Variants in CDC5L observed in about 807,000 individuals in gnomAD.
CDC5L encodes cell division cycle 5 like.
CDC5L carries 18 observed loss-of-function variants against 104.1 expected under a neutral mutation model. That is an observed-to-expected ratio of 0.17 (90% CI 0.12 to 0.26). The LOEUF is 0.26. Ranked by LOEUF, CDC5L falls within the 10% of genes least tolerant of loss-of-function variation. CDC5L has a pLI of 1.00. For synonymous variants in CDC5L, 331 were observed against 322.7 expected (o/e 1.03, Z -0.28); for missense variants, 673 against 956.9 (o/e 0.70, Z 3.91).
At chr6:44,432,181 A>G (rs1411571112) in intron 14 of CDC5L, among the ~76,000 whole-genome samples, 1 of 152,244 alleles carries the variant, frequency 6.6e-6, no homozygotes, top group Non-Finnish European at 1.5e-5. Flanking sequence ...GTTTTTGAAG[A>G]CACAGTTCTA....
rs2153373158 is a variant in CDC5L at position 44,390,387 on chromosome 6, A to G, written c.149+16A>G. ...AAGCCAGATGGTATGTATCAGTTTA[A>G]TAAGTGGAAAACAGAAAAGGAGCTT... On this transcript the variant is annotated intron_variant, in intron 2 of 15. Transcript: ENST00000371477. 1 of 1,494,060 alleles carries G rather than the reference A, an allele frequency of 6.7e-7. No individual in the cohort carries two copies. Among genetic ancestry groups the G allele is most frequent in the African/African-American group, 1.4e-5 (1 of 71,976 alleles). 92.6% of individuals were successfully genotyped at this position (1,494,060 alleles called of 1,614,324 possible).
chr6:44,411,184 T>TA (rs1479806237), intron 8 of CDC5L, among the ~76,000 whole-genome samples: 1 of 152,090 alleles, frequency 6.6e-6, no homozygotes, highest in Non-Finnish European at 1.5e-5. Flanking sequence ...TGCCTGTGTC[T>TA]AGAAGTGGGT....
intron 5 of CDC5L, among the ~76,000 whole-genome samples, chr6:44,400,302 A>G (rs1791061958): frequency 6.6e-6 from 1 of 152,330 alleles, no homozygotes; most frequent in African/African-American, 2.4e-5. Flanking sequence ...GAAACTAGAC[A>G]TTTTAGATGA....
intron 4 of CDC5L, among the ~76,000 whole-genome samples, chr6:44,394,390 C>T (rs1048903939): frequency 6.6e-6 from 1 of 152,200 alleles, no homozygotes; most frequent in African/African-American, 2.4e-5. Context: ...GGACCTCAGT[C>T]CTCCTATTAA....
intron 4 of CDC5L, among the ~76,000 whole-genome samples, chr6:44,395,215 C>A (rs1790815926): frequency 6.6e-6 from 1 of 152,092 alleles, no homozygotes; most frequent in Non-Finnish European, 1.5e-5. Flanking sequence ...AATAGGGTGA[C>A]TATAGTTAGC....
intron 8 of CDC5L, among the ~76,000 whole-genome samples, chr6:44,417,651 C>A (rs891918562): frequency 1.3e-5 from 2 of 152,164 alleles, no homozygotes; most frequent in African/African-American, 4.8e-5. Context: ...AAAGATAGCA[C>A]TGAGGACAGG....
intron 8 of CDC5L, among the ~76,000 whole-genome samples, chr6:44,410,135 T>TCACTATAATC (rs1791563050): frequency 6.6e-6 from 1 of 152,188 alleles, no homozygotes; most frequent in South Asian, 2.1e-4. Context: ...GTACTGTTAT[T>TCACTATAATC]CACTATAATC....
At chr6:44,402,709 A>G (rs1791187289) in intron 5 of CDC5L, among the ~76,000 whole-genome samples, 1 of 152,214 alleles carries the variant, frequency 6.6e-6, no homozygotes, top group Non-Finnish European at 1.5e-5. Context: ...GACATCCTTC[A>G]TATCTCCTCA....
intron 14 of CDC5L, among the ~76,000 whole-genome samples, chr6:44,433,428 G>C (rs563638622): frequency 6.6e-6 from 1 of 152,158 alleles, no homozygotes; most frequent in East Asian, 1.9e-4. Flanking sequence ...TAATTATTTT[G>C]AGTGAAATAA....
chr6:44,400,381 C>T (rs1791065393), intron 5 of CDC5L, among the ~76,000 whole-genome samples: 1 of 152,098 alleles, frequency 6.6e-6, no homozygotes, highest in South Asian at 2.1e-4. Context: ...TGTTTGATGA[C>T]TGGTTTATTT....
chr6:44,431,763 A>C (rs756311110), intron 14 of CDC5L, among the ~76,000 whole-genome samples: 8 of 152,192 alleles, frequency 5.3e-5, no homozygotes, highest in Non-Finnish European at 1.0e-4. Context: ...TTAAAGGGAA[A>C]AATACAGAAA....
Position 44,393,430 on chromosome 6 carries a change from A to C in CDC5L, c.312-16A>C. The C allele has an allele frequency of 6.2e-7, 1 of 1,611,982 alleles. No homozygotes were observed. The highest frequency in any genetic ancestry group is 1.7e-4 in the Middle Eastern group (1 of 6,050). Reference sequence around the variant, plus strand: ...TGGTACTGTAGTGTGACTAACTCCTATGGGCTTTTTTCTAGGGATAAAGCT... The same window carrying C: ...TGGTACTGTAGTGTGACTAACTCCTCTGGGCTTTTTTCTAGGGATAAAGCT... On this transcript the variant is annotated splice_polypyrimidine_tract_variant and intron_variant, in intron 3 of 15. Transcript: ENST00000371477.
At chr6:44,397,358 C>T (rs921578396) in intron 5 of CDC5L, among the ~76,000 whole-genome samples, 1 of 152,222 alleles carries the variant, frequency 6.6e-6, no homozygotes, top group Non-Finnish European at 1.5e-5. Flanking sequence ...AATAAAACTG[C>T]ATGATTTATT....
At chr6:44,408,879 G>A (rs1279535476) in intron 8 of CDC5L, among the ~76,000 whole-genome samples, 2 of 152,160 alleles carry the variant, frequency 1.3e-5, no homozygotes, top group African/African-American at 4.8e-5. Flanking sequence ...ACCTTCATTA[G>A]TCTTTTGTAC....
chr6:44,412,457 G>A (rs1041418825), intron 8 of CDC5L, among the ~76,000 whole-genome samples: 3 of 151,854 alleles, frequency 2.0e-5, no homozygotes, highest in African/African-American at 7.3e-5. Context: ...GAATTCCTGG[G>A]TTCAAGTGAT....
intron 11 of CDC5L, 118 bp from the exon 12 acceptor site, chr6:44,425,976 CTTAAACCGA>C: frequency 1.8e-6 from 1 of 570,912 alleles, no homozygotes; most frequent in Non-Finnish European, 3.1e-6. Flanking sequence ...TTTCTACAAA[CTTAAACCGA>C]TTTCTAAACT....
intron 14 of CDC5L, among the ~76,000 whole-genome samples, chr6:44,442,590 C>T (rs1241112498): frequency 1.3e-5 from 2 of 152,006 alleles, no homozygotes; most frequent in Non-Finnish European, 2.9e-5. Context: ...TTTTACACCC[C>T]TTTCTCCCAT....
chr6:44,432,869 T>C (rs1312214591), intron 14 of CDC5L, among the ~76,000 whole-genome samples: 1 of 152,164 alleles, frequency 6.6e-6, no homozygotes, highest in African/African-American at 2.4e-5. Context: ...AACACAGCAA[T>C]GACAGTTAAT....
chr6:44,435,732 A>T (rs897605236), intron 14 of CDC5L: 5 of 151,396 alleles, frequency 3.3e-5, no homozygotes, highest in African/African-American at 1.2e-4. Context: ...GCCCTACTTA[A>T]CCTCTCTGGG....
Sources: gnomAD v4.1 joint callset for allele counts (sites outside exome capture counted in the v4.1 genomes callset) on GRCh38, gnomAD v4.1.1 for gene constraint, MANE v1.5 for transcripts, NCBI Gene and HGNC (gene_info 2026-07-23, HGNC 2026-07-21) for gene names.